XDH: variants seen among roughly 807,000 people sequenced by gnomAD.
The protein encoded by XDH is xanthine dehydrogenase.
XDH carries 138 observed loss-of-function variants against 156.1 expected under a neutral mutation model. The ratio of observed to expected loss-of-function variants is 0.88; its 90% CI spans 0.77 to 1.02. The LOEUF (loss-of-function observed/expected upper bound fraction) is 1.02, where lower values mean the gene tolerates loss of function less well. Among genes scored for constraint, XDH ranks in the 50% least tolerant of loss-of-function variants. XDH has a pLI of 0.00. For synonymous variants in XDH, 669 were observed against 625.7 expected, an observed-to-expected ratio of 1.07 and a Z score of -1.03; for missense variants, 1,849 against 1,684.9, an observed-to-expected ratio of 1.10 and a Z score of -1.71.
At position 31,364,096 on chromosome 2, in the gene XDH, G is replaced by A. The variant is rs760929488; in HGVS notation, c.2631+62C>T. 3.8e-5 allele frequency: 59 copies of A among 1,546,510 alleles called. No individual in the cohort carries two copies. In the East Asian group the frequency reaches 5.2e-4, roughly 14 times the overall value. On this transcript the variant is annotated intron_variant, in intron 24 of 35. Transcript: ENST00000379416. ...AGGGACTGGGGAGGCCTGTGCCTGCGTGGGAACAGGCTGACCTCGAAGTCA... is the reference window on the plus strand; with the variant it reads ...AGGGACTGGGGAGGCCTGTGCCTGCATGGGAACAGGCTGACCTCGAAGTCA...
intron 17 of XDH, among the ~76,000 whole-genome samples, chr2:31,371,019 C>T (rs1427218987): frequency 6.6e-6 from 1 of 152,224 alleles, no homozygotes; most frequent in African/African-American, 2.4e-5. Context: ...CCCGGCTGTG[C>T]CACTGATCCA....
chr2:31,403,947 T>G (rs1687128972), intron 2 of XDH, among the ~76,000 whole-genome samples: 1 of 152,098 alleles, frequency 6.6e-6, no homozygotes, highest in African/African-American at 2.4e-5. Context: ...GCCTGGTCAC[T>G]TCTCTCATTT....
chr2:31,411,413 A>G (rs149994526), intron 1 of XDH, among the ~76,000 whole-genome samples: 16 of 152,066 alleles, frequency 1.1e-4, no homozygotes, highest in African/African-American at 2.9e-4. Flanking sequence ...AATTATGTAC[A>G]TTAATATATA....
chr2:31,377,037 T>C lies in XDH; in HGVS notation c.1427+16A>G. 6.2e-7 allele frequency: 1 copy of C among 1,614,132 alleles called. No individual in the cohort carries two copies. The highest frequency in any genetic ancestry group is 1.1e-5 in the South Asian group (1 of 91,078). On this transcript the variant is annotated intron_variant, in intron 14 of 35. Coordinates refer to ENST00000379416, the MANE Select transcript of XDH (RefSeq NM_000379.4). ...AGCAACATTAGCAGCAGTTTCATTGTGCTGTTAGCTCTTACTTGGAAAGCT... is the reference window on the plus strand; with the variant it reads ...AGCAACATTAGCAGCAGTTTCATTGCGCTGTTAGCTCTTACTTGGAAAGCT...
chr2:31,336,095 C>T, intron 35 of XDH, 87 bp from the exon 36 acceptor site: 3 of 1,410,592 alleles, frequency 2.1e-6, no homozygotes, highest in Admixed American at 1.7e-5. Context: ...CCCACCACTG[C>T]CAACCATCAT....
chr2:31,360,281 C>A (rs1018566124), intron 24 of XDH, among the ~76,000 whole-genome samples: 2 of 152,192 alleles, frequency 1.3e-5, no homozygotes, highest in Admixed American at 6.5e-5. Context: ...GTGGATCACC[C>A]GAGGTCAGAA....
intron 2 of XDH, among the ~76,000 whole-genome samples, chr2:31,405,017 A>G (rs1687157872): frequency 6.6e-6 from 1 of 152,222 alleles, no homozygotes; most frequent in African/African-American, 2.4e-5. Flanking sequence ...TCCTGCTCAC[A>G]GGCCCCCTGG....
At chr2:31,381,458 T>C (rs1686434656) in intron 12 of XDH, among the ~76,000 whole-genome samples, 175 bp downstream of exon 12, 1 of 152,102 alleles carries the variant, frequency 6.6e-6, no homozygotes, top group African/African-American at 2.4e-5. Context: ...ACAGAGAAAA[T>C]ATCCAGCTTT....
chr2:31,344,580 T>G, intron 31 of XDH, 104 bp downstream of exon 31: 1 of 1,303,002 alleles, frequency 7.7e-7, no homozygotes. Context: ...TAAGTGGAGC[T>G]GCTCTCTCCT....
rs1686310900 is a variant in XDH, at chr2:31,378,111, G to GAAAGA, written c.1243-875_1243-874insTCTTT. Among the ~76,000 whole-genome samples the GAAAGA allele has an allele frequency of 5.5e-3, 229 of 41,536 alleles. 1 individual carries two copies. The highest frequency in any genetic ancestry group is 0.011 in the East Asian group (14 of 1,286). The allele number at this position is 41,536 out of a possible 152,430, so 27.2% of individuals were successfully genotyped here. A position where few individuals can be genotyped will look rare whatever the true frequency, so the allele number is the denominator to read the frequency against. On this transcript the variant is annotated intron_variant, in intron 13 of 35. Coordinates refer to ENST00000379416, the MANE Select transcript of XDH (RefSeq NM_000379.4). The stretch of plus-strand genomic sequence containing the variant: ...GAAAGAAAGAAAGAAAGAAAGAAAG[G>GAAAGA]AAGGAAGGAAGGAAGGAAGGAAGGA...
At chr2:31,348,432 G>C in intron 27 of XDH, 69 bp from the exon 28 acceptor site, 1 of 1,451,900 alleles carries the variant, frequency 6.9e-7, no homozygotes, top group Non-Finnish European at 9.6e-7. Context: ...TGGGACCAAA[G>C]GTATGGAGCC....
Position 31,403,034 on chromosome 2 carries a change from C to T in XDH, c.197+14G>A. 6.2e-7 allele frequency: 1 copy of T among 1,614,040 alleles called. No homozygotes were observed. Among genetic ancestry groups the T allele is most frequent in the South Asian group, 1.1e-5 (1 of 91,082 alleles). ...AGCCCCCATGTGGGTGGTCAGCCAGCAGGCAAAGGATACACGATCTTGTTC... is the reference window on the plus strand; with the variant it reads ...AGCCCCCATGTGGGTGGTCAGCCAGTAGGCAAAGGATACACGATCTTGTTC... On this transcript the variant is annotated intron_variant, in intron 3 of 35. Coordinates refer to ENST00000379416, the MANE Select transcript of XDH (RefSeq NM_000379.4).
intron 1 of XDH, 21 bp from the exon 2 acceptor site, chr2:31,405,985 A>C (rs1226690419): frequency 6.2e-7 from 1 of 1,612,344 alleles, no homozygotes; most frequent in Non-Finnish European, 8.5e-7. Flanking sequence ...AAATGAAAGA[A>C]AAATATATCA....
At chr2:31,365,954 A>G in intron 22 of XDH, 22 bp downstream of exon 22, 1 of 1,614,182 alleles carries the variant, frequency 6.2e-7, no homozygotes, top group East Asian at 2.2e-5. Context: ...GCCAGATGGG[A>G]GAAACAGGCT....
Position 31,348,968 on chromosome 2 carries a change from CCAA to C in XDH, c.2979_2981del (p.Cys993del). 6.2e-7 allele frequency: 1 copy of C among 1,613,368 alleles called. No individual in the cohort carries two copies. On this transcript the variant is annotated inframe_deletion, in exon 27 of 36. Coordinates refer to ENST00000379416, the MANE Select transcript of XDH (RefSeq NM_000379.4). The stretch of plus-strand genomic sequence containing the variant: ...GAATTATGCACAATCCTCTCTTTTT[CCAA>C]CAATTCTCCCTAGAGAAAAAGGAAT...
chr2:31,404,746 C>T (rs1336817715), intron 2 of XDH, among the ~76,000 whole-genome samples: 1 of 152,084 alleles, frequency 6.6e-6, no homozygotes, highest in Admixed American at 6.5e-5. Context: ...CTTTCACTCC[C>T]CAGCACCACC....
rs530252582 is a variant in XDH at position 31,413,130 on chromosome 2, A to C, written c.42+1495T>G. Reference sequence around the variant, plus strand: ...ACAGGTTAACCAATGGTTTGGTTTAATAAATAATAAAACCTCAGAGTAAGA... The same window carrying C: ...ACAGGTTAACCAATGGTTTGGTTTACTAAATAATAAAACCTCAGAGTAAGA... On this transcript the variant is annotated intron_variant, in intron 1 of 35. Transcript: ENST00000379416. Among the ~76,000 whole-genome samples the C allele has an allele frequency of 1.2e-4, 18 of 152,346 alleles. 1 individual carries two copies. The highest frequency in any genetic ancestry group is 6.8e-3 in the Middle Eastern group (2 of 294).
At chr2:31,337,531 C>G in intron 35 of XDH, 110 bp downstream of exon 35, 1 of 1,534,076 alleles carries the variant, frequency 6.5e-7, no homozygotes, top group Non-Finnish European at 9.0e-7. Flanking sequence ...GCAAGGCTGC[C>G]CGGTTAGGAG....
At chr2:31,347,023 GC>G (rs1685316131) in intron 29 of XDH, among the ~76,000 whole-genome samples, 180 bp from the exon 30 acceptor site, 1 of 152,174 alleles carries the variant, frequency 6.6e-6, no homozygotes, top group African/African-American at 2.4e-5. Context: ...ACAGGACCTG[GC>G]CAATAGGGCC....
Sources: allele counts gnomAD v4.1 joint callset (sites outside exome capture counted in the v4.1 genomes callset), GRCh38; gene constraint gnomAD v4.1.1; transcripts MANE v1.5; gene names NCBI Gene and HGNC (gene_info 2026-07-23, HGNC 2026-07-21).